The following HDAC9 variants were observed in gnomAD, a reference collection of about 807,000 sequenced individuals.
HDAC9 encodes the protein MEF-2 interacting transcription repressor (MITR) protein.
A neutral mutation model predicts 139.4 loss-of-function variants in HDAC9; 41 were observed. That is an observed-to-expected ratio of 0.29 (90% confidence interval 0.23 to 0.38). The LOEUF (loss-of-function observed/expected upper bound fraction) is 0.38, where lower values mean the gene tolerates loss of function less well. HDAC9 is among the 10% of genes least tolerant of loss of function. The pLI is 1.00. For synonymous variants in HDAC9, 517 were observed against 476.2 expected, an observed-to-expected ratio of 1.09 and a Z score of -1.12; for missense variants, 1,147 against 1,297.0, an observed-to-expected ratio of 0.88 and a Z score of 1.78.
chr7:18,335,256 C>T (rs958452607), intron 1 of HDAC9, among the ~76,000 whole-genome samples: 4 of 151,488 alleles, frequency 2.6e-5, no homozygotes, highest in Admixed American at 2.0e-4. Flanking sequence ...ACATGTAATG[C>T]AGGGCACAGG....
At chr7:18,184,696 T>C (rs1789767355) in intron 2 of HDAC9, among the ~76,000 whole-genome samples, 1 of 152,204 alleles carries the variant, frequency 6.6e-6, no homozygotes, top group East Asian at 1.9e-4. Flanking sequence ...GTTCTATGCT[T>C]GTCTTGTTCT....
Position 18,090,173 on chromosome 7 carries a change from C to T in HDAC9, c.-97+2960C>T, listed in dbSNP as rs377391908. The stretch of plus-strand genomic sequence containing the variant: ...AGGAGGCGGCAGGTACACTGATATA[C>T]CCAACGTTACACCATAGTGAATCAG... On this transcript the variant is annotated intron_variant, in intron 1 of 12. Coordinates refer to the HDAC9 transcript ENST00000417496. Among the ~76,000 whole-genome samples, 3 of 152,112 alleles carry T rather than the reference C, an allele frequency of 2.0e-5. No individual in the cohort carries two copies. The East Asian group carries it at 5.8e-4, about 29-fold the overall frequency.
chr7:18,909,303 T>C lies in HDAC9; in HGVS notation c.2804-26506T>C, dbSNP rs1279856831. On this transcript the variant is annotated intron_variant, in intron 22 of 25. Coordinates refer to ENST00000686413, the MANE Select transcript of HDAC9 (RefSeq NM_178425.4). ...CTTGTATATATATTCTGGAAATTAATTAATTAATAGTTTACAAACATTGTC... is the reference window on the plus strand; with the variant it reads ...CTTGTATATATATTCTGGAAATTAACTAATTAATAGTTTACAAACATTGTC... Among the ~76,000 whole-genome samples, 4 of 152,032 alleles carry C rather than the reference T, an allele frequency of 2.6e-5. No homozygotes were observed. The East Asian group carries it at 5.8e-4, about 22-fold the overall frequency.
chr7:18,296,007 G>A (rs1358182680), intron 1 of HDAC9, among the ~76,000 whole-genome samples: 1 of 152,148 alleles, frequency 6.6e-6, no homozygotes, highest in Non-Finnish European at 1.5e-5. Context: ...TTTTCTGCAG[G>A]AGAGTGGGAG....
chr7:18,551,992 T>A (rs779969899), intron 2 of HDAC9, among the ~76,000 whole-genome samples: 1 of 152,218 alleles, frequency 6.6e-6, no homozygotes, highest in East Asian at 1.9e-4. Context: ...CTTCTATAGA[T>A]AGTACTTTTT....
intron 22 of HDAC9, 126 bp from the exon 23 acceptor site, chr7:18,935,683 T>C: frequency 1.3e-6 from 1 of 781,018 alleles, no homozygotes; most frequent in Non-Finnish European, 2.1e-6. Flanking sequence ...ATTTTAAGTA[T>C]TGGATGAGTT....
At chr7:18,562,312 TGTA>T (rs879831686) in intron 2 of HDAC9, among the ~76,000 whole-genome samples, 4 of 152,200 alleles carry the variant, frequency 2.6e-5, no homozygotes, top group Admixed American at 2.0e-4. Context: ...TTAATTTTGA[TGTA>T]GTCCAATTTA....
At chr7:18,248,521 G>A (rs1794708118) in intron 2 of HDAC9, among the ~76,000 whole-genome samples, 1 of 152,170 alleles carries the variant, frequency 6.6e-6, no homozygotes, top group Non-Finnish European at 1.5e-5. Flanking sequence ...CAGTTTTTGA[G>A]GTGTCACTTT....
intron 2 of HDAC9, among the ~76,000 whole-genome samples, chr7:18,204,207 G>A (rs934447137): frequency 1.3e-5 from 2 of 151,972 alleles, no homozygotes; most frequent in Non-Finnish European, 2.9e-5. Context: ...GACGTTATGA[G>A]ATTCCTTCAG....
intron 17 of HDAC9, among the ~76,000 whole-genome samples, chr7:18,827,351 G>C (rs1407594964): frequency 2.0e-5 from 3 of 151,846 alleles, no homozygotes; most frequent in African/African-American, 7.3e-5. Context: ...CACCCTTAAG[G>C]CAGAAATTTT....
intron 6 of HDAC9, among the ~76,000 whole-genome samples, chr7:18,623,996 G>T (rs1840950496): frequency 6.6e-6 from 1 of 152,128 alleles, no homozygotes; most frequent in South Asian, 2.1e-4. Flanking sequence ...TCAGAGTCCT[G>T]TGTGCTTCTA....
intron 1 of HDAC9, among the ~76,000 whole-genome samples, chr7:18,469,811 A>T (rs1794589943): frequency 6.6e-6 from 1 of 152,178 alleles, no homozygotes; most frequent in Non-Finnish European, 1.5e-5. Context: ...TAAATCATTC[A>T]TATTATATAT....
At chr7:18,479,734 C>T (rs1795393395) in intron 1 of HDAC9, among the ~76,000 whole-genome samples, 1 of 151,302 alleles carries the variant, frequency 6.6e-6, no homozygotes, top group Non-Finnish European at 1.5e-5. Context: ...TCTTTATTGT[C>T]CTTTATCTAT....
intron 12 of HDAC9, among the ~76,000 whole-genome samples, chr7:18,705,251 G>A (rs73683145): frequency 0.055 from 8,384 of 152,106 alleles, 757 homozygotes; most frequent in African/African-American, 0.19. Flanking sequence ...TCCCCATTGC[G>A]GGAGCTCTTC....
At chr7:18,656,604 A>G (rs1254169393) in intron 11 of HDAC9, among the ~76,000 whole-genome samples, 2 of 152,160 alleles carry the variant, frequency 1.3e-5, no homozygotes, top group African/African-American at 2.4e-5. Flanking sequence ...CATAAACAGC[A>G]AATTTTTGAG....
chr7:18,205,369 T>G (rs1040235564), intron 2 of HDAC9, among the ~76,000 whole-genome samples: 44 of 152,050 alleles, frequency 2.9e-4, no homozygotes, highest in African/African-American at 1.0e-3. Flanking sequence ...GGTCTTCTTT[T>G]CCAAAAACAT....
At chr7:18,332,117 GTTCT>G (rs772663039) in intron 1 of HDAC9, among the ~76,000 whole-genome samples, 1 of 151,608 alleles carries the variant, frequency 6.6e-6, no homozygotes, top group Non-Finnish European at 1.5e-5. Flanking sequence ...TCGAATAAAA[GTTCT>G]TTCTAACAGA....
chr7:18,111,192 A>G (rs1166585482), intron 1 of HDAC9, among the ~76,000 whole-genome samples: 1 of 152,224 alleles, frequency 6.6e-6, no homozygotes, highest in African/African-American at 2.4e-5. Context: ...TAATTACTTC[A>G]TTAGTAAGTA....
At chr7:18,217,298 A>T (rs1792386430) in intron 2 of HDAC9, among the ~76,000 whole-genome samples, 1 of 151,800 alleles carries the variant, frequency 6.6e-6, no homozygotes, top group Admixed American at 6.6e-5. Flanking sequence ...TTTTTCTTGA[A>T]TATTAAGATT....
Sources: gnomAD v4.1 joint callset for allele counts (sites outside exome capture counted in the v4.1 genomes callset) on GRCh38, gnomAD v4.1.1 for gene constraint, MANE v1.5 for transcripts, NCBI Gene and HGNC (gene_info 2026-07-23, HGNC 2026-07-21) for gene names.